The following RANBP17 variants were observed in gnomAD, a reference collection of about 807,000 sequenced individuals.
The protein encoded by RANBP17 is ran-binding protein 17.
Under a neutral mutation model 141.2 loss-of-function variants are expected in RANBP17, and 158 were observed. The observed-to-expected ratio is 1.12, with a 90% CI of 0.98 to 1.28. The LOEUF is 1.28. Ranked by LOEUF, RANBP17 falls within the 50% of genes most tolerant of loss-of-function variation. The pLI is 0.00. For missense variants in RANBP17, 1,438 were observed against 1,290.7 expected (o/e 1.11, Z -1.75); for synonymous variants, 430 against 450.0 (o/e 0.96, Z 0.56).
intron 3 of RANBP17, among the ~76,000 whole-genome samples, chr5:170,886,587 T>C (rs1769175427): frequency 6.6e-6 from 1 of 152,048 alleles, no homozygotes; most frequent in South Asian, 2.1e-4. Context: ...AATAGAGTAG[T>C]ATCTACATTT....
intron 19 of RANBP17, 82 bp downstream of exon 19, chr5:171,199,855 G>A (rs142707058): frequency 1.4e-6 from 1 of 735,802 alleles, no homozygotes; most frequent in East Asian, 2.7e-5. Flanking sequence ...TTGCATATCT[G>A]TGTGTACTCT....
chr5:170,918,348 A>G, intron 9 of RANBP17: 1 of 154,566 alleles, frequency 6.5e-6, no homozygotes, highest in Non-Finnish European at 1.4e-5. Flanking sequence ...CCTAGAGTTT[A>G]CTTTTAATCT....
intron 2 of RANBP17, among the ~76,000 whole-genome samples, chr5:170,879,774 A>G (rs1043345387): frequency 6.6e-6 from 1 of 152,152 alleles, no homozygotes; most frequent in African/African-American, 2.4e-5. Context: ...CTTATCACTG[A>G]TAAGCTATTA....
At chr5:170,934,328 C>T (rs1382102107) in intron 12 of RANBP17, among the ~76,000 whole-genome samples, 1 of 152,208 alleles carries the variant, frequency 6.6e-6, no homozygotes, top group East Asian at 1.9e-4. Context: ...AGATGGGTCT[C>T]CTGAATACAG....
chr5:171,061,574 A>T (rs180764304), intron 14 of RANBP17, among the ~76,000 whole-genome samples: 4 of 152,278 alleles, frequency 2.6e-5, no homozygotes. Flanking sequence ...GGAGAGCTTT[A>T]CTTCCAACTA....
At chr5:171,279,952 T>C (rs1767753205) in intron 25 of RANBP17, among the ~76,000 whole-genome samples, 1 of 152,226 alleles carries the variant, frequency 6.6e-6, no homozygotes, top group South Asian at 2.1e-4. Context: ...GCATTTCTTC[T>C]TACCTTTTCA....
chr5:171,209,788 G>A (rs927359514), intron 20 of RANBP17, among the ~76,000 whole-genome samples: 1 of 152,198 alleles, frequency 6.6e-6, no homozygotes, highest in African/African-American at 2.4e-5. Context: ...GTCCCCTTGT[G>A]AACAAAGGTC....
intron 14 of RANBP17, among the ~76,000 whole-genome samples, chr5:171,134,053 A>G (rs1185573349): frequency 6.6e-6 from 1 of 152,228 alleles, no homozygotes; most frequent in East Asian, 1.9e-4. Flanking sequence ...TATTTTTTGA[A>G]AATGAATACT....
intron 24 of RANBP17, among the ~76,000 whole-genome samples, chr5:171,244,400 T>C (rs569541615): frequency 1.8e-4 from 27 of 152,172 alleles, no homozygotes; most frequent in African/African-American, 6.5e-4. Flanking sequence ...GGAACTGTAT[T>C]TGTTTTCATT....
chr5:170,872,112 T>TGCCCATTAAA (rs1767785605), intron 1 of RANBP17, among the ~76,000 whole-genome samples: 1 of 152,236 alleles, frequency 6.6e-6, no homozygotes, highest in Non-Finnish European at 1.5e-5. Context: ...CTTTGGGCAG[T>TGCCCATTAAA]ATATCCATTT....
chr5:171,240,701 G>C (rs371471689), intron 22 of RANBP17, among the ~76,000 whole-genome samples: 1 of 152,118 alleles, frequency 6.6e-6, no homozygotes. Context: ...TAAAAATATA[G>C]AGCTTTTCCA....
At chr5:171,125,041 T>C (rs1248107122) in intron 14 of RANBP17, among the ~76,000 whole-genome samples, 37 of 152,156 alleles carry the variant, frequency 2.4e-4, no homozygotes, top group Admixed American at 2.4e-3. Flanking sequence ...ACGCCTGTAA[T>C]CCCAACACTT....
At position 170,953,708 on chromosome 5, in the gene RANBP17, T is replaced by C; in HGVS notation, c.1574+6T>C. ...GATGGAGAATTATCCTGTCGGTAAGTAAGAGCTATGTAATTTACTGAAATT... is the reference window on the plus strand; with the variant it reads ...GATGGAGAATTATCCTGTCGGTAAGCAAGAGCTATGTAATTTACTGAAATT... On this transcript the variant is annotated splice_donor_region_variant and intron_variant, in intron 13 of 27. Transcript: ENST00000523189. The C allele has an allele frequency of 4.5e-6, 7 of 1,547,322 alleles. No homozygotes were observed. Among genetic ancestry groups the C allele is most frequent in the Non-Finnish European group, 6.2e-6 (7 of 1,121,258 alleles).
chr5:171,157,648 A>G (rs572339461), intron 14 of RANBP17, among the ~76,000 whole-genome samples: 3 of 152,250 alleles, frequency 2.0e-5, no homozygotes, highest in Non-Finnish European at 2.9e-5. Flanking sequence ...TACAAAAGGA[A>G]ACATCTGTAT....
chr5:170,908,883 A>G (rs1269231591), intron 5 of RANBP17, among the ~76,000 whole-genome samples: 2 of 151,886 alleles, frequency 1.3e-5, no homozygotes, highest in South Asian at 2.1e-4. Context: ...TAGCAAGGAA[A>G]ATGGTTTATT....
At chr5:170,916,827 T>G (rs1324580857) in intron 9 of RANBP17, among the ~76,000 whole-genome samples, 2 of 151,900 alleles carry the variant, frequency 1.3e-5, no homozygotes, top group Non-Finnish European at 2.9e-5. Flanking sequence ...GTGATTCTTC[T>G]GCCTCAGCCT....
At chr5:170,869,478 G>A (rs1320779450) in intron 1 of RANBP17, among the ~76,000 whole-genome samples, 3 of 152,068 alleles carry the variant, frequency 2.0e-5, no homozygotes, top group South Asian at 2.1e-4. Flanking sequence ...CATAGATCTG[G>A]TGGCCAGAAA....
At chr5:171,208,094 T>C (rs186444268) in intron 20 of RANBP17, among the ~76,000 whole-genome samples, 71 of 152,350 alleles carry the variant, frequency 4.7e-4, no homozygotes, top group African/African-American at 1.7e-3. Flanking sequence ...TCCACATAAA[T>C]GTGTGTTCTT....
rs562213361 is a variant in RANBP17 at position 170,995,691 on chromosome 5, G to T, written c.1710+27314G>T. Among the ~76,000 whole-genome samples, 569 of 152,160 alleles carry T rather than the reference G, an allele frequency of 3.7e-3. 1 individual carries two copies. Among genetic ancestry groups the T allele is most frequent in the Middle Eastern group, 0.034 (10 of 294 alleles). On this transcript the variant is annotated intron_variant, in intron 14 of 27. Transcript: ENST00000523189. ...AAAAAGTTTTGTTCTTTACCCCATT[G>T]TACTCCCTCTTTCTAGGCATAACCA...
Sources: allele counts gnomAD v4.1 joint callset (sites outside exome capture counted in the v4.1 genomes callset), GRCh38; gene constraint gnomAD v4.1.1; transcripts MANE v1.5; gene names NCBI Gene and HGNC (gene_info 2026-07-23, HGNC 2026-07-21).